The following TET3 variants were observed in gnomAD, a reference collection of about 807,000 sequenced individuals.
TET3 encodes methylcytosine dioxygenase TET3.
Under a neutral mutation model 141.4 loss-of-function variants are expected in TET3, and 19 were observed. The ratio of observed to expected loss-of-function variants is 0.13; its 90% CI spans 0.09 to 0.20. The LOEUF (loss-of-function observed/expected upper bound fraction) is 0.20, where lower values mean the gene tolerates loss of function less well. Ranked by LOEUF, TET3 falls within the 10% of genes least tolerant of loss-of-function variation. TET3 has a pLI of 1.00. For synonymous variants in TET3, 1,043 were observed against 980.9 expected, an observed-to-expected ratio of 1.06 and a Z score of -1.18; for missense variants, 1,874 against 2,356.9, an observed-to-expected ratio of 0.80 and a Z score of 4.24.
At chr2:74,125,706 TTTTAAC>T in the TET3 span, among the ~76,000 whole-genome samples, 2 of 152,058 alleles carry the variant, frequency 1.3e-5, no homozygotes, top group Admixed American at 6.6e-5. Flanking sequence ...TTTTTTTTTT[TTTTAAC>T]TTTATAGAGA....
intron 2 of TET3, among the ~76,000 whole-genome samples, chr2:73,995,362 T>G (rs1684541746): frequency 6.6e-6 from 1 of 152,228 alleles, no homozygotes; most frequent in African/African-American, 2.4e-5. Context: ...AGACCTAATC[T>G]CAGACCTCAG....
rs372076371 is a variant in TET3, at chr2:74,073,506, C to T, written c.2495-43C>T. On this transcript the variant is annotated intron_variant, in intron 4 of 11. Transcript: ENST00000409262. The stretch of plus-strand genomic sequence containing the variant: ...GTTTGCTTTTCTAAATTAATATTGA[C>T]TAATTGATATTCCAAAAATGTTTAC... 3 of 1,455,376 alleles carry T rather than the reference C, an allele frequency of 2.1e-6. No individual in the cohort carries two copies. In the African/African-American group the frequency reaches 4.3e-5, roughly 21 times the overall value. The allele number at this position is 1,455,376 out of a possible 1,614,324, so 90.2% of individuals were successfully genotyped here.
intron 3 of TET3, among the ~76,000 whole-genome samples, chr2:74,008,070 C>T (rs575764638): frequency 1.3e-5 from 2 of 152,072 alleles, no homozygotes; most frequent in South Asian, 4.1e-4. Flanking sequence ...AGTTTACGGG[C>T]CATATCCTGA....
At chr2:74,076,724 C>T (rs563828403) in intron 5 of TET3, among the ~76,000 whole-genome samples, 1 of 151,890 alleles carries the variant, frequency 6.6e-6, no homozygotes, top group Non-Finnish European at 1.5e-5. Context: ...TGCAAATCCC[C>T]TGGGTAGGGG....
At chr2:74,015,379 T>C (rs1031838853) in intron 3 of TET3, among the ~76,000 whole-genome samples, 2 of 152,210 alleles carry the variant, frequency 1.3e-5, no homozygotes, top group Non-Finnish European at 2.9e-5. Context: ...AAACTGAGAA[T>C]CCCTATTTCT....
intron 6 of TET3, among the ~76,000 whole-genome samples, chr2:74,083,112 G>T (rs1307892677): frequency 6.6e-6 from 1 of 152,222 alleles, no homozygotes; most frequent in Non-Finnish European, 1.5e-5. Flanking sequence ...TACATCATGG[G>T]TGCCCAGCAA....
chr2:74,109,564 C>T (rs1412173460), downstream of TET3, among the ~76,000 whole-genome samples: 1 of 152,202 alleles, frequency 6.6e-6, no homozygotes, highest in Non-Finnish European at 1.5e-5. Context: ...ATAAATTGAA[C>T]TAATCTAAAT....
intron 3 of TET3, among the ~76,000 whole-genome samples, chr2:74,044,085 G>T (rs1208212310): frequency 6.6e-6 from 1 of 152,110 alleles, no homozygotes; most frequent in Non-Finnish European, 1.5e-5. Flanking sequence ...TGGGAGGATC[G>T]CTTGAGTCCA....
intron 2 of TET3, among the ~76,000 whole-genome samples, chr2:73,990,010 C>T (rs1361471426): frequency 6.6e-6 from 1 of 152,124 alleles, no homozygotes; most frequent in Non-Finnish European, 1.5e-5. Flanking sequence ...AGTAGGTAAT[C>T]AATGCATGAT....
At chr2:74,076,873 C>T (rs1689543647) in intron 5 of TET3, among the ~76,000 whole-genome samples, 1 of 152,184 alleles carries the variant, frequency 6.6e-6, no homozygotes. Flanking sequence ...AAACCTGGTT[C>T]TCTTAGCTTT....
intron 3 of TET3, among the ~76,000 whole-genome samples, chr2:74,029,027 T>C (rs1686528566): frequency 6.6e-6 from 1 of 152,200 alleles, no homozygotes; most frequent in Admixed American, 6.5e-5. Context: ...ACCATGGGCC[T>C]TAGGGGGTCT....
intron 3 of TET3, among the ~76,000 whole-genome samples, chr2:74,027,756 C>G (rs1018946567): frequency 6.6e-6 from 1 of 152,258 alleles, no homozygotes; most frequent in East Asian, 1.9e-4. Context: ...TTTGTTTATC[C>G]ATTCTTTAGT....
intron 3 of TET3, among the ~76,000 whole-genome samples, chr2:74,013,534 G>T (rs560595446): frequency 9.9e-5 from 15 of 152,090 alleles, no homozygotes; most frequent in Admixed American, 8.5e-4. Context: ...GGGGCTGGGC[G>T]CAGTGGCTCT....
At chr2:74,058,255 T>C (rs1688317005) in intron 4 of TET3, among the ~76,000 whole-genome samples, 1 of 152,152 alleles carries the variant, frequency 6.6e-6, no homozygotes, top group Admixed American at 6.5e-5. Context: ...AGTATCACTG[T>C]GGCAGACAGC....
At position 73,990,829 on chromosome 2, in the gene TET3, A is replaced by G. The variant is rs191925258; in HGVS notation, c.303+4123A>G. Among the ~76,000 whole-genome samples the G allele has an allele frequency of 7.5e-4, 113 of 151,014 alleles. 1 individual carries two copies. The highest frequency in any genetic ancestry group is 1.4e-3 in the Admixed American group (21 of 15,146). On this transcript the variant is annotated intron_variant, in intron 2 of 11. Transcript: ENST00000409262. ...TGCTGGTAGTTCTATCTTCCTGAAG[A>G]TGGAGGCTGTGGAGAGGAATGTGTT...
intron 2 of TET3, among the ~76,000 whole-genome samples, chr2:73,994,363 A>G (rs1684473812): frequency 1.3e-5 from 2 of 152,206 alleles, no homozygotes; most frequent in Admixed American, 6.5e-5. Context: ...CAGGAGTTTT[A>G]TTAGTGGGTG....
intron 4 of TET3, among the ~76,000 whole-genome samples, chr2:74,071,568 G>A (rs186106273): frequency 4.6e-5 from 7 of 152,190 alleles, no homozygotes; most frequent in East Asian, 1.9e-4. Flanking sequence ...AATGTCTTAC[G>A]TAATTATGGT....
intron 2 of TET3, among the ~76,000 whole-genome samples, chr2:73,997,233 T>C (rs942822848): frequency 1.3e-5 from 2 of 152,206 alleles, no homozygotes; most frequent in Non-Finnish European, 2.9e-5. Flanking sequence ...AGTACGGAGA[T>C]GCTGGGTCAA....
At position 74,046,731 on chromosome 2, in the gene TET3, T is replaced by C; in HGVS notation, c.814T>C (p.Cys272Arg). The change falls in exon 4 of 12, where the codon TGC (cysteine) becomes CGC (arginine). Residue 272 changes from cysteine (C) to arginine (R), a missense_variant. By Grantham distance (180) the Cys-to-Arg change is radical. This residue lies in a region of TET3 where 366 missense variants were observed against 487.0 expected (regional missense o/e 0.75). Transcript: ENST00000409262. This position sits in a 1 kb window ranked among gnomAD's most constrained non-coding sequence, Gnocchi z 4.3. ...LARHGMKPPNCNCDGPECPDY... is the reference protein window; with the variant it reads ...LARHGMKPPNRNCDGPECPDY... ...GCGGCATGGTATGAAACCACCCAAC[T>C]GCAACTGCGATGGCCCAGAATGCCC... 1 of 1,613,854 alleles carries C rather than the reference T, an allele frequency of 6.2e-7. No individual in the cohort carries two copies. The highest frequency in any genetic ancestry group is 1.1e-5 in the South Asian group (1 of 91,080).
Sources: gnomAD v4.1 joint callset for allele counts (sites outside exome capture counted in the v4.1 genomes callset) on GRCh38, gnomAD v4.1.1 for gene constraint, gnomAD v4.1.1 regional missense constraint, Gnocchi (gnomAD v3.1) non-coding constraint, MANE v1.5 for transcripts, NCBI Gene and HGNC (gene_info 2026-07-23, HGNC 2026-07-21) for gene names.